Variants in GPR63 observed in about 807,000 individuals in gnomAD.
GPR63 encodes the protein probable G protein-coupled receptor 63.
Under a neutral mutation model 23.1 loss-of-function variants are expected in GPR63, and 12 were observed. That is an observed-to-expected ratio of 0.52 (90% CI 0.33 to 0.84). GPR63 has a LOEUF of 0.84. GPR63 is among the 40% of genes least tolerant of loss of function. The pLI is 0.02. For missense variants in GPR63, 472 were observed against 515.6 expected, an observed-to-expected ratio of 0.92 and a Z score of 0.82; for synonymous variants, 172 against 191.1, an observed-to-expected ratio of 0.90 and a Z score of 0.82.
chr6:96,800,064 A>G (rs1773723029), intron 1 of GPR63, among the ~76,000 whole-genome samples, 183 bp from the exon 2 acceptor site: 2 of 152,196 alleles, frequency 1.3e-5, no homozygotes, highest in South Asian at 2.1e-4. Context: ...TTAGTCAACC[A>G]TGGTGGAAAT....
rs769363023 is a variant in GPR63 at position 96,799,492 on chromosome 6, A to ATT, written c.239_240insAA (p.Gln81IlefsTer8). The stretch of plus-strand genomic sequence containing the variant: ...TCATTATAGCAGAAAGGGTGATCTG[A>ATT]AGAGGCAAGTTTAGGCTCTTAAATG... On this transcript the variant is annotated frameshift_variant, in exon 2 of 2. Coordinates refer to ENST00000229955, the MANE Select transcript of GPR63 (RefSeq NM_030784.4). LOFTEE classifies it high-confidence loss of function. The ATT allele has an allele frequency of 1.9e-6, 3 of 1,614,186 alleles. No individual in the cohort carries two copies. Among genetic ancestry groups the ATT allele is most frequent in the Non-Finnish European group, 2.5e-6 (3 of 1,180,038 alleles).
intron 1 of GPR63, among the ~76,000 whole-genome samples, chr6:96,812,420 T>C (rs1774067225): frequency 6.6e-6 from 1 of 152,150 alleles, no homozygotes; most frequent in South Asian, 2.1e-4. Context: ...TCCTGTTACT[T>C]TTCCCCATAA....
rs746114183 is a variant in GPR63 at position 96,798,551 on chromosome 6, G to A, written c.1181C>T (p.Pro394Leu). The change falls in exon 2 of 2, where the codon CCG becomes CTG. Residue 394 changes from proline (P) to leucine (L), a missense_variant. Coordinates refer to ENST00000229955, the MANE Select transcript of GPR63 (RefSeq NM_030784.4). ...DMMPKSFKFL[P>L]QLPGHTKRRI... ...TCGCTTTGTGTGACCAGGGAGCTGCGGCAAAAACTTGAAGGACTTAGGCAT... is the reference window on the plus strand; with the variant it reads ...TCGCTTTGTGTGACCAGGGAGCTGCAGCAAAAACTTGAAGGACTTAGGCAT... The A allele has an allele frequency of 1.5e-5, 25 of 1,614,050 alleles. No homozygotes were observed. Among genetic ancestry groups the A allele is most frequent in the Non-Finnish European group, 2.0e-5 (24 of 1,180,044 alleles).
intron 1 of GPR63, among the ~76,000 whole-genome samples, chr6:96,830,528 G>A (rs949442024): frequency 1.3e-5 from 2 of 152,120 alleles, no homozygotes; most frequent in African/African-American, 4.8e-5. Context: ...GGTATTAAGG[G>A]AGCAGATAAC....
chr6:96,807,982 G>A (rs995616167), intron 1 of GPR63, among the ~76,000 whole-genome samples: 5 of 152,200 alleles, frequency 3.3e-5, no homozygotes. Flanking sequence ...GTTAAACCCA[G>A]GAAGTGTGTT....
intron 1 of GPR63, among the ~76,000 whole-genome samples, chr6:96,811,948 T>C (rs1774056791): frequency 6.6e-6 from 1 of 151,992 alleles, no homozygotes; most frequent in African/African-American, 2.4e-5. Flanking sequence ...ATGAATACTC[T>C]ATAAATTTAG....
intron 1 of GPR63, among the ~76,000 whole-genome samples, chr6:96,826,728 A>G (rs1197335094): frequency 6.6e-6 from 1 of 152,144 alleles, no homozygotes; most frequent in Non-Finnish European, 1.5e-5. Context: ...CATGGGGCCA[A>G]TATTTGCTAG....
chr6:96,836,224 T>A (rs1774724822), intron 1 of GPR63, among the ~76,000 whole-genome samples: 2 of 152,286 alleles, frequency 1.3e-5, no homozygotes, highest in Admixed American at 1.3e-4. Flanking sequence ...ATAAATGTAC[T>A]TTTATGTTAG....
At chr6:96,816,058 C>A (rs1291829088) in intron 1 of GPR63, among the ~76,000 whole-genome samples, 2 of 152,044 alleles carry the variant, frequency 1.3e-5, no homozygotes, top group East Asian at 3.8e-4. Context: ...TTATTCTGGT[C>A]TATTAATATA....
chr6:96,804,842 TTACAG>T (rs1477308289), intron 1 of GPR63, among the ~76,000 whole-genome samples: 1 of 152,192 alleles, frequency 6.6e-6, no homozygotes, highest in Non-Finnish European at 1.5e-5. Flanking sequence ...AACTTCTGAA[TTACAG>T]TAGTGTATTA....
In GPR63 at chr6:96,837,257, C is replaced by T; in HGVS notation, c.-151+11G>A. On this transcript the variant is annotated intron_variant, in intron 1 of 1. Coordinates refer to ENST00000229955, the MANE Select transcript of GPR63 (RefSeq NM_030784.4). ...GGGATCGCGGGCCGGGGATCCCGAG[C>T]CTCACCTCACCTCAAGCGAAGGGCA... 1 of 152,480 alleles carries T rather than the reference C, an allele frequency of 6.6e-6. No individual in the cohort carries two copies. The highest frequency in any genetic ancestry group is 1.5e-5 in the Non-Finnish European group (1 of 68,218). 9.4% of individuals were successfully genotyped at this position (152,480 alleles called of 1,614,324 possible).
At chr6:96,825,102 C>T (rs886533786) in intron 1 of GPR63, among the ~76,000 whole-genome samples, 7 of 152,090 alleles carry the variant, frequency 4.6e-5, no homozygotes, top group African/African-American at 1.4e-4. Flanking sequence ...CATGCTCAAT[C>T]CTCATTTTAT....
intron 1 of GPR63, among the ~76,000 whole-genome samples, chr6:96,807,864 T>C (rs1773937507): frequency 6.6e-6 from 1 of 152,168 alleles, no homozygotes; most frequent in Non-Finnish European, 1.5e-5. Flanking sequence ...ACGGCAACTA[T>C]GACATTACTA....
At chr6:96,832,214 A>G (rs1484015982) in intron 1 of GPR63, among the ~76,000 whole-genome samples, 1 of 151,958 alleles carries the variant, frequency 6.6e-6, no homozygotes, top group Admixed American at 6.6e-5. Flanking sequence ...ATCTGGGTAT[A>G]ATTCTTCTTT....
chr6:96,814,207 G>A (rs1333678267), intron 1 of GPR63, among the ~76,000 whole-genome samples: 1 of 152,022 alleles, frequency 6.6e-6, no homozygotes, highest in Non-Finnish European at 1.5e-5. Context: ...AATTATAGAT[G>A]AGGAAGCTGA....
chr6:96,826,909 T>C (rs895684080), intron 1 of GPR63, among the ~76,000 whole-genome samples: 5 of 151,910 alleles, frequency 3.3e-5, no homozygotes, highest in Non-Finnish European at 7.4e-5. Flanking sequence ...AACAGAAATC[T>C]GATTTAAAAT....
At chr6:96,828,518 T>A (rs780239074) in intron 1 of GPR63, among the ~76,000 whole-genome samples, 3 of 143,646 alleles carry the variant, frequency 2.1e-5, no homozygotes, top group Non-Finnish European at 4.5e-5. Context: ...AAATAATAGA[T>A]GTAGAACTTA....
At chr6:96,835,378 A>C (rs1456234367) in intron 1 of GPR63, among the ~76,000 whole-genome samples, 1 of 152,102 alleles carries the variant, frequency 6.6e-6, no homozygotes, top group Admixed American at 6.5e-5. Context: ...TGGATACATA[A>C]ATATAGATAT....
At chr6:96,821,738 G>A (rs1774318049) in intron 1 of GPR63, among the ~76,000 whole-genome samples, 1 of 152,104 alleles carries the variant, frequency 6.6e-6, no homozygotes, top group South Asian at 2.1e-4. Context: ...CATGTACCAA[G>A]ACCATATATG....
Sources: gnomAD v4.1 joint callset for allele counts (sites outside exome capture counted in the v4.1 genomes callset) on GRCh38, gnomAD v4.1.1 for gene constraint, MANE v1.5 for transcripts, NCBI Gene and HGNC (gene_info 2026-07-23, HGNC 2026-07-21) for gene names.